The following EFCAB6 variants were observed in gnomAD, a reference collection of about 807,000 sequenced individuals.
EFCAB6 encodes the protein EF-hand calcium binding domain 6.
Under a neutral mutation model 169.8 loss-of-function variants are expected in EFCAB6, and 156 were observed. That is an observed-to-expected ratio of 0.92 (90% CI 0.81 to 1.05). EFCAB6 has a LOEUF of 1.05. Ranked by LOEUF, EFCAB6 falls within the 50% of genes least tolerant of loss-of-function variation. The pLI is 0.00. For synonymous variants in EFCAB6, 698 were observed against 676.4 expected, an observed-to-expected ratio of 1.03 and a Z score of -0.50; for missense variants, 1,800 against 1,829.1, an observed-to-expected ratio of 0.98 and a Z score of 0.29.
chr22:43,610,755 A>AT (rs1173975438), intron 21 of EFCAB6, among the ~76,000 whole-genome samples: 1 of 152,240 alleles, frequency 6.6e-6, no homozygotes, highest in Non-Finnish European at 1.5e-5. Flanking sequence ...TTTAAAAAAA[A>AT]TTGAGTCTGT....
intron 2 of EFCAB6, among the ~76,000 whole-genome samples, chr22:43,798,261 A>C (rs1207625848): frequency 6.6e-6 from 1 of 152,020 alleles, no homozygotes; most frequent in African/African-American, 2.4e-5. Flanking sequence ...GCGGGTGCCC[A>C]TAATCCCAGT....
chr22:43,611,478 C>T (rs112786351), intron 21 of EFCAB6, among the ~76,000 whole-genome samples: 11,690 of 152,228 alleles, frequency 0.077, 622 homozygotes, highest in South Asian at 0.18. Context: ...TGGCATTCTT[C>T]GTAGAGCTAG....
intron 23 of EFCAB6, among the ~76,000 whole-genome samples, chr22:43,595,842 T>A (rs916575956): frequency 6.6e-6 from 1 of 151,974 alleles, no homozygotes; most frequent in Non-Finnish European, 1.5e-5. Flanking sequence ...CATGTAGAAA[T>A]CCTCAACAAA....
chr22:43,632,008 G>A (rs1467023667), intron 19 of EFCAB6, 97 bp downstream of exon 19: 3 of 1,500,670 alleles, frequency 2.0e-6, no homozygotes, highest in African/African-American at 1.4e-5. Context: ...TGGGCTGACT[G>A]GGACATGACC....
At chr22:43,611,633 C>CA (rs1199810026) in intron 21 of EFCAB6, among the ~76,000 whole-genome samples, 4 of 151,908 alleles carry the variant, frequency 2.6e-5, no homozygotes, top group African/African-American at 9.7e-5. Context: ...CCTATCTCCA[C>CA]AAAAAATACC....
intron 17 of EFCAB6, among the ~76,000 whole-genome samples, chr22:43,648,623 G>A (rs1173439925): frequency 6.6e-6 from 1 of 152,170 alleles, no homozygotes; most frequent in Admixed American, 6.5e-5. Flanking sequence ...CACTACCTGG[G>A]TGGCGGGATT....
rs779615377 is a variant in EFCAB6, at chr22:43,669,060, A to G, written c.1641-15T>C. 14 of 1,593,186 alleles carry G rather than the reference A, an allele frequency of 8.8e-6. No homozygotes were observed. The South Asian group carries it at 1.5e-4, about 17-fold the overall frequency. On this transcript the variant is annotated splice_polypyrimidine_tract_variant and intron_variant, in intron 15 of 31. Coordinates refer to ENST00000262726, the MANE Select transcript of EFCAB6 (RefSeq NM_022785.4). ...TACTGCAGAGTCTGAATTTTAAAAA[A>G]TAATTAAAACACACTCAGTAGAGTA...
chr22:43,700,671 C>T (rs1433850090), intron 10 of EFCAB6, among the ~76,000 whole-genome samples: 1 of 152,164 alleles, frequency 6.6e-6, no homozygotes, highest in Non-Finnish European at 1.5e-5. Flanking sequence ...TTTATCCATT[C>T]TTATTGTTTT....
chr22:43,616,696 A>G (rs773189020), intron 20 of EFCAB6, among the ~76,000 whole-genome samples: 11 of 152,252 alleles, frequency 7.2e-5, no homozygotes, highest in Middle Eastern at 3.4e-3. Flanking sequence ...AAATTCTATC[A>G]TATTTACTCA....
intron 2 of EFCAB6, among the ~76,000 whole-genome samples, chr22:43,801,894 C>G (rs547578456): frequency 3.3e-5 from 5 of 152,226 alleles, no homozygotes; most frequent in Admixed American, 3.3e-4. Context: ...TTCATTGACT[C>G]GGTTCTCCAA....
At chr22:43,791,673 AG>A (rs1603378645) in intron 2 of EFCAB6, among the ~76,000 whole-genome samples, 1 of 152,204 alleles carries the variant, frequency 6.6e-6, no homozygotes, top group African/African-American at 2.4e-5. Context: ...GGCACCACCG[AG>A]GACCCTGATA....
intron 12 of EFCAB6, among the ~76,000 whole-genome samples, chr22:43,678,741 A>C (rs567058701): frequency 6.6e-6 from 1 of 152,242 alleles, no homozygotes; most frequent in Non-Finnish European, 1.5e-5. Flanking sequence ...CCCCCAGAAT[A>C]AAAATTTATC....
Position 43,735,870 on chromosome 22 carries a change from C to A in EFCAB6, c.631G>T (p.Glu211Ter), listed in dbSNP as rs775768150. Reference protein sequence around the residue: ...LETFCMKLRDEEYEKFSKHYN... With the variant: ...LETFCMKLRD ...TCATTTGCTTACTTTTCGTATTCCT[C>A]GTCTCTTAACTTCATACAGAAGGTC... The change falls in exon 7 of 32, where the codon GAG becomes TAG. Residue 211 changes from glutamate to a stop codon, truncating the protein, a stop_gained. Coordinates refer to ENST00000262726, the MANE Select transcript of EFCAB6 (RefSeq NM_022785.4). LOFTEE classifies it high-confidence loss of function. The A allele has an allele frequency of 3.1e-6, 5 of 1,613,374 alleles. No homozygotes were observed. The highest frequency in any genetic ancestry group is 4.2e-6 in the Non-Finnish European group (5 of 1,179,874).
rs184475652 is a variant in EFCAB6, at chr22:43,587,165, G to A, written c.3032+2909C>T. On this transcript the variant is annotated intron_variant, in intron 24 of 31. Transcript: ENST00000262726. ...GAAGCAAGCAGACCCCAGACCTCTT[G>A]CCAGACTTCACGTGTCTGGGTGCCT... is the stretch of plus-strand genomic sequence containing the variant. 4.4e-4 allele frequency among the ~76,000 whole-genome samples: 67 copies of A among 152,280 alleles called. 1 individual carries two copies. In the East Asian group the frequency reaches 0.012, roughly 26 times the overall value.
At chr22:43,582,298 T>C (rs187026432) in intron 24 of EFCAB6, among the ~76,000 whole-genome samples, 28 of 152,012 alleles carry the variant, frequency 1.8e-4, no homozygotes, top group Non-Finnish European at 3.4e-4. Context: ...GAAAAAAACA[T>C]ATAGGCATTT....
intron 10 of EFCAB6, among the ~76,000 whole-genome samples, chr22:43,706,921 T>C (rs2058981018): frequency 1.3e-5 from 2 of 152,208 alleles, no homozygotes; most frequent in Non-Finnish European, 2.9e-5. Context: ...CTGGAATAAA[T>C]CTATCAACAA....
intron 8 of EFCAB6, among the ~76,000 whole-genome samples, chr22:43,724,056 G>A (rs2059632755): frequency 6.6e-6 from 1 of 152,168 alleles, no homozygotes; most frequent in Non-Finnish European, 1.5e-5. Flanking sequence ...TGGCCAGGCT[G>A]CACTTCCTTC....
chr22:43,558,083 A>C (rs970930031), intron 26 of EFCAB6, among the ~76,000 whole-genome samples: 1 of 152,260 alleles, frequency 6.6e-6, no homozygotes, highest in African/African-American at 2.4e-5. Context: ...ATCAGGAACA[A>C]AATAAGCATG....
At chr22:43,732,689 A>T (rs750744608) in intron 7 of EFCAB6, among the ~76,000 whole-genome samples, 4 of 151,772 alleles carry the variant, frequency 2.6e-5, no homozygotes, top group Non-Finnish European at 5.9e-5. Context: ...CTGGTCTCGA[A>T]CTCCTGGCCT....
Sources: allele counts gnomAD v4.1 joint callset (sites outside exome capture counted in the v4.1 genomes callset), GRCh38; gene constraint gnomAD v4.1.1; transcripts MANE v1.5; gene names NCBI Gene and HGNC (gene_info 2026-07-23, HGNC 2026-07-21).